ERC1: variants seen among roughly 807,000 people sequenced by gnomAD.
ERC1 encodes the protein ELKS/RAB6-interacting/CAST family member 1.
Under a neutral mutation model 132.0 loss-of-function variants are expected in ERC1, and 56 were observed. That is an observed-to-expected ratio of 0.42 (90% confidence interval 0.34 to 0.53). ERC1 has a LOEUF of 0.53. Among genes scored for constraint, ERC1 ranks in the 20% least tolerant of loss-of-function variants. ERC1 has a pLI of 0.03. For synonymous variants in ERC1, 478 were observed against 476.1 expected (o/e 1.00, Z -0.05); for missense variants, 1,202 against 1,349.9 (o/e 0.89, Z 1.72).
At chr12:1,361,580 G>C (rs2086127127) in intron 15 of ERC1, among the ~76,000 whole-genome samples, 1 of 152,080 alleles carries the variant, frequency 6.6e-6, no homozygotes, top group Non-Finnish European at 1.5e-5. Flanking sequence ...TTAATCTTGA[G>C]CACTAAAACT....
rs555883553 is a variant in ERC1 at position 1,158,558 on chromosome 12, T to A, written c.1737+16771T>A. Among the ~76,000 whole-genome samples, 7 of 151,960 alleles carry A rather than the reference T, an allele frequency of 4.6e-5. No homozygotes were observed. In the East Asian group the frequency reaches 9.6e-4, roughly 21 times the overall value. ...GATTCTCCTGCCTCAGCCTCCCAGG[T>A]AGCTGGGATTACAGGCATGCGCCAC... On this transcript the variant is annotated intron_variant, in intron 8 of 18. Transcript: ENST00000360905.
chr12:1,142,817 T>C (rs895475863), intron 8 of ERC1, among the ~76,000 whole-genome samples: 1 of 152,268 alleles, frequency 6.6e-6, no homozygotes, highest in Admixed American at 6.5e-5. Context: ...CTTTCCTGCT[T>C]TTTTAAAAGT....
At chr12:1,118,972 G>GA (rs1566004510) in intron 7 of ERC1, among the ~76,000 whole-genome samples, 1 of 152,176 alleles carries the variant, frequency 6.6e-6, no homozygotes, top group African/African-American at 2.4e-5. Flanking sequence ...GAACTCCTGG[G>GA]ATCAAACGCT....
At chr12:1,318,861 G>T (rs1276081584) in intron 15 of ERC1, among the ~76,000 whole-genome samples, 1 of 152,102 alleles carries the variant, frequency 6.6e-6, no homozygotes, top group Admixed American at 6.5e-5. Context: ...CAGTTTACGG[G>T]CTGCAGCAGG....
intron 2 of ERC1, among the ~76,000 whole-genome samples, chr12:1,042,009 A>G (rs1010480648): frequency 2.6e-5 from 4 of 152,166 alleles, no homozygotes; most frequent in Non-Finnish European, 5.9e-5. Context: ...TTGGCCTCCC[A>G]AAGTGCTGGC....
intron 15 of ERC1, among the ~76,000 whole-genome samples, chr12:1,319,907 G>C (rs901087633): frequency 1.3e-5 from 2 of 152,074 alleles, no homozygotes; most frequent in African/African-American, 4.8e-5. Flanking sequence ...GTGTGTGTTT[G>C]TATGCAGGGG....
In ERC1 at chr12:1,115,825, T is replaced by G. The variant is rs746934486; in HGVS notation, c.1402-41T>G. ...AAAGATACAGATAAGAGGTGTTTGT[T>G]TTATTTCTTTTTTCCTTAAAGTGTT... On this transcript the variant is annotated intron_variant, in intron 6 of 18. Transcript: ENST00000360905. 6 of 1,565,818 alleles carry G rather than the reference T, an allele frequency of 3.8e-6. No homozygotes were observed. In the South Asian group the frequency reaches 4.6e-5, roughly 12 times the overall value.
At position 1,110,325 on chromosome 12, in the gene ERC1, AT is replaced by A; in HGVS notation, c.1297del (p.Ser433LeufsTer4). 1 of 1,606,444 alleles carries A rather than the reference AT, an allele frequency of 6.2e-7. No homozygotes were observed. The highest frequency in any genetic ancestry group is 8.5e-7 in the Non-Finnish European group (1 of 1,177,382). ...EMKQMEVYRS[H>X]SKFMKNKVEQ... ...AAGCAAATGGAAGTGTATCGGAGCC[AT>A]TCTAAATTTATGAAAAATAAGGTAA... On this transcript the variant is annotated frameshift_variant, in exon 5 of 19. Coordinates refer to ENST00000360905, the MANE Select transcript of ERC1 (RefSeq NM_178040.4). LOFTEE classifies it high-confidence loss of function.
At chr12:1,340,014 G>C (rs1257267080) in intron 15 of ERC1, among the ~76,000 whole-genome samples, 1 of 152,176 alleles carries the variant, frequency 6.6e-6, no homozygotes, top group Non-Finnish European at 1.5e-5. Context: ...GAGGCTTGCT[G>C]TAGGCCTGGG....
chr12:1,276,049 G>A (rs1250714902), intron 14 of ERC1, among the ~76,000 whole-genome samples: 1 of 152,024 alleles, frequency 6.6e-6, no homozygotes, highest in Non-Finnish European at 1.5e-5. Context: ...AGTTCTTGTT[G>A]GGTCCTTTTT....
At chr12:1,074,411 C>T (rs546415211) in intron 2 of ERC1, among the ~76,000 whole-genome samples, 23 of 152,188 alleles carry the variant, frequency 1.5e-4, no homozygotes, top group Non-Finnish European at 2.9e-4. Flanking sequence ...AGCGATTTTC[C>T]TGCCTCAGCC....
intron 14 of ERC1, among the ~76,000 whole-genome samples, chr12:1,282,440 AATT>A (rs1366795471): frequency 2.6e-5 from 4 of 152,224 alleles, no homozygotes; most frequent in Non-Finnish European, 4.4e-5. Context: ...TAATGTAAGT[AATT>A]ATTATTGCAA....
intron 15 of ERC1, among the ~76,000 whole-genome samples, chr12:1,336,237 A>AT (rs1339573033): frequency 6.6e-6 from 1 of 151,102 alleles, no homozygotes; most frequent in African/African-American, 2.4e-5. Context: ...ATGGGTTTTC[A>AT]TGTCTCAGTG....
At chr12:1,451,113 C>T (rs1368411034) in intron 18 of ERC1, among the ~76,000 whole-genome samples, 1 of 152,180 alleles carries the variant, frequency 6.6e-6, no homozygotes, top group Non-Finnish European at 1.5e-5. Flanking sequence ...GTTATCTTCT[C>T]ACTGTTACTG....
intron 1 of ERC1, among the ~76,000 whole-genome samples, chr12:1,007,510 GGGTAATTCTCTCTCTCTCTCTCTC>G (rs1963893264): frequency 7.8e-6 from 1 of 128,472 alleles, no homozygotes; most frequent in African/African-American, 3.3e-5. Context: ...CTCTCTCACT[GGGTAATTCTCTCTCTCTCTCTCTC>G]TCTCTCTGTG....
chr12:1,442,678 C>G (rs1192319822), intron 17 of ERC1, among the ~76,000 whole-genome samples: 6 of 151,994 alleles, frequency 3.9e-5, no homozygotes, highest in African/African-American at 1.5e-4. Context: ...TTAATTATTT[C>G]CTGGAAATAG....
At chr12:1,322,422 C>G (rs1227792066) in intron 15 of ERC1, among the ~76,000 whole-genome samples, 3 of 152,108 alleles carry the variant, frequency 2.0e-5, no homozygotes, top group Admixed American at 6.5e-5. Flanking sequence ...CAGCTAGATT[C>G]TTTCCATTAT....
chr12:1,065,480 TTGTGTGTGTGTGTGTGTGTG>T (rs71293132), intron 2 of ERC1, among the ~76,000 whole-genome samples: 4,191 of 125,028 alleles, frequency 0.034, 175 homozygotes, highest in Admixed American at 0.13. Flanking sequence ...TTTGTACCGT[TTGTGTGTGTGTGTGTGTGTG>T]TGTGTGTGTG....
At chr12:1,080,344 T>C (rs1312431164) in intron 2 of ERC1, among the ~76,000 whole-genome samples, 1 of 152,228 alleles carries the variant, frequency 6.6e-6, no homozygotes, top group Non-Finnish European at 1.5e-5. Flanking sequence ...ATTCGACTGC[T>C]CTAGATACCT....
Sources: gnomAD v4.1 joint callset for allele counts (sites outside exome capture counted in the v4.1 genomes callset) on GRCh38, gnomAD v4.1.1 for gene constraint, MANE v1.5 for transcripts, NCBI Gene and HGNC (gene_info 2026-07-23, HGNC 2026-07-21) for gene names.